The following CNTN5 variants were observed in gnomAD, a reference collection of about 807,000 sequenced individuals.
The protein encoded by CNTN5 is contactin 5, also known as contactin-5.
CNTN5 carries 77 observed loss-of-function variants against 129.1 expected under a neutral mutation model. That is an observed-to-expected ratio of 0.60 (90% CI 0.50 to 0.72). The LOEUF (loss-of-function observed/expected upper bound fraction) is 0.72, where lower values mean the gene tolerates loss of function less well. Ranked by LOEUF, CNTN5 falls within the 30% of genes least tolerant of loss-of-function variation. CNTN5 has a pLI of 0.00. For missense variants in CNTN5, 1,478 were observed against 1,328.8 expected (o/e 1.11, Z -1.75); for synonymous variants, 509 against 465.6 (o/e 1.09, Z -1.20).
At chr11:99,976,261 A>G (rs1413845344) in intron 8 of CNTN5, among the ~76,000 whole-genome samples, 1 of 152,192 alleles carries the variant, frequency 6.6e-6, no homozygotes, top group Admixed American at 6.5e-5. Context: ...CTGCTTTCAC[A>G]GGCTGGCATT....
intron 18 of CNTN5, among the ~76,000 whole-genome samples, chr11:100,284,574 T>G (rs2138831289): frequency 6.6e-6 from 1 of 152,236 alleles, no homozygotes; most frequent in Admixed American, 6.5e-5. Context: ...GTGGGTGAAA[T>G]GGAAAAATAC....
intron 2 of CNTN5, among the ~76,000 whole-genome samples, chr11:99,482,972 G>A (rs1945659058): frequency 6.6e-6 from 1 of 151,776 alleles, no homozygotes; most frequent in Non-Finnish European, 1.5e-5. Context: ...TCAAGAGACC[G>A]AGGCCATCTT....
At chr11:99,329,035 TATG>T (rs1008639851) in intron 2 of CNTN5, among the ~76,000 whole-genome samples, 7 of 152,106 alleles carry the variant, frequency 4.6e-5, no homozygotes, top group South Asian at 2.1e-4. Flanking sequence ...ATCTGCCAGT[TATG>T]GTGGTGGGAC....
chr11:99,836,385 A>T (rs1249148194), intron 4 of CNTN5, among the ~76,000 whole-genome samples: 2 of 150,208 alleles, frequency 1.3e-5, no homozygotes. Context: ...GAGTGAGAAC[A>T]TGCGGTGTTT....
At chr11:99,886,813 A>G (rs915048991) in intron 6 of CNTN5, among the ~76,000 whole-genome samples, 8 of 152,228 alleles carry the variant, frequency 5.3e-5, no homozygotes, top group Non-Finnish European at 1.2e-4. Context: ...ATTGAGTGCA[A>G]GCAAGTTGCA....
rs185802455 is a variant in CNTN5 at position 100,158,846 on chromosome 11, C to T, written c.1581-32280C>T. 1.5e-3 allele frequency among the ~76,000 whole-genome samples: 223 copies of T among 151,918 alleles called. 2 individuals are homozygous for T. The highest frequency in any genetic ancestry group is 5.2e-3 in the African/African-American group (215 of 41,502). ...ACTTTTATGCAAATATACCACTAAT[C>T]TGTTGTACATGTGCATACAACAATG... On this transcript the variant is annotated intron_variant, in intron 13 of 24. Transcript: ENST00000524871.
chr11:99,996,633 A>T (rs1005521306), intron 8 of CNTN5, among the ~76,000 whole-genome samples: 1 of 152,158 alleles, frequency 6.6e-6, no homozygotes, highest in African/African-American at 2.4e-5. Context: ...ATATGCATGT[A>T]TTAGTCTGTT....
intron 6 of CNTN5, among the ~76,000 whole-genome samples, chr11:99,850,764 A>C (rs1249297936): frequency 1.3e-5 from 2 of 152,054 alleles, no homozygotes; most frequent in Non-Finnish European, 1.5e-5. Flanking sequence ...TCAGAGCAAA[A>C]GAAAGAAAGA....
intron 6 of CNTN5, among the ~76,000 whole-genome samples, chr11:99,849,864 A>G (rs1398308831): frequency 2.6e-5 from 4 of 152,136 alleles, no homozygotes; most frequent in East Asian, 1.9e-4. Context: ...CTATTCCAGT[A>G]TAAATGTGTA....
intron 1 of CNTN5, among the ~76,000 whole-genome samples, chr11:99,043,993 A>G (rs1864106507): frequency 6.6e-6 from 1 of 152,216 alleles, no homozygotes; most frequent in Non-Finnish European, 1.5e-5. Context: ...CAACAAAATG[A>G]ACTAAATCCC....
At chr11:100,186,272 G>T (rs1257497720) in intron 13 of CNTN5, among the ~76,000 whole-genome samples, 1 of 152,092 alleles carries the variant, frequency 6.6e-6, no homozygotes, top group African/African-American at 2.4e-5. Flanking sequence ...TTACTCAGGA[G>T]GCTGAGGTGG....
intron 3 of CNTN5, among the ~76,000 whole-genome samples, chr11:99,601,993 A>G (rs550609994): frequency 6.6e-6 from 1 of 152,284 alleles, no homozygotes; most frequent in South Asian, 2.1e-4. Context: ...ATATACCTAT[A>G]TATACCTACA....
At chr11:100,345,959 A>C (rs1952269919) in intron 23 of CNTN5, among the ~76,000 whole-genome samples, 1 of 152,148 alleles carries the variant, frequency 6.6e-6, no homozygotes, top group African/African-American at 2.4e-5. Flanking sequence ...ATAACTTTCC[A>C]TTTGAGAAGC....
At chr11:99,616,262 A>C (rs1486661048) in intron 3 of CNTN5, among the ~76,000 whole-genome samples, 2 of 152,206 alleles carry the variant, frequency 1.3e-5, no homozygotes, top group African/African-American at 4.8e-5. Flanking sequence ...AGAAATAAAA[A>C]TAACACATAA....
chr11:99,709,084 GC>G (rs1745464016), intron 3 of CNTN5, among the ~76,000 whole-genome samples: 1 of 151,740 alleles, frequency 6.6e-6, no homozygotes, highest in African/African-American at 2.4e-5. Context: ...TAAATGACAT[GC>G]AAATTTCTTA....
intron 7 of CNTN5, among the ~76,000 whole-genome samples, chr11:99,923,536 A>T (rs997513611): frequency 6.6e-6 from 1 of 152,204 alleles, no homozygotes; most frequent in Admixed American, 6.5e-5. Flanking sequence ...TATTATGTAC[A>T]GAAATATTCA....
intron 1 of CNTN5, among the ~76,000 whole-genome samples, chr11:99,076,403 A>C (rs1477061448): frequency 6.6e-6 from 1 of 152,104 alleles, no homozygotes; most frequent in Non-Finnish European, 1.5e-5. Flanking sequence ...TGTTGGTAAA[A>C]GTGCTGTCTT....
chr11:99,854,734 TG>T (rs1419856348), intron 6 of CNTN5, among the ~76,000 whole-genome samples: 3 of 152,122 alleles, frequency 2.0e-5, no homozygotes, highest in Admixed American at 1.3e-4. Flanking sequence ...AAATATTTGT[TG>T]GTGCTCAGGA....
chr11:99,548,003 A>G (rs1387280607), intron 2 of CNTN5, among the ~76,000 whole-genome samples: 1 of 152,178 alleles, frequency 6.6e-6, no homozygotes, highest in Admixed American at 6.5e-5. Flanking sequence ...TTTTTGTAAA[A>G]TGAATTCCTC....
Sources: gnomAD v4.1 joint callset for allele counts (sites outside exome capture counted in the v4.1 genomes callset) on GRCh38, gnomAD v4.1.1 for gene constraint, MANE v1.5 for transcripts, NCBI Gene and HGNC (gene_info 2026-07-23, HGNC 2026-07-21) for gene names.